The following CNIH3 variants were observed in gnomAD, a reference collection of about 807,000 sequenced individuals.
The protein encoded by CNIH3 is cornichon family AMPA receptor auxiliary protein 3.
Under a neutral mutation model 24.1 loss-of-function variants are expected in CNIH3, and 14 were observed. That is an observed-to-expected ratio of 0.58 (90% CI 0.38 to 0.91). The LOEUF is 0.91. Among genes scored for constraint, CNIH3 ranks in the 40% least tolerant of loss-of-function variants. The pLI, the probability that CNIH3 is intolerant of heterozygous loss-of-function variation, is 0.00. For missense variants in CNIH3, 178 were observed against 196.8 expected (o/e 0.90, Z 0.57); for synonymous variants, 68 against 73.8 (o/e 0.92, Z 0.40).
chr1:224,695,828 CAGCCTGACCT>C (rs1687150688), intron 3 of CNIH3, among the ~76,000 whole-genome samples: 1 of 152,222 alleles, frequency 6.6e-6, no homozygotes, highest in African/African-American at 2.4e-5. Context: ...CAGATTGTCA[CAGCCTGACCT>C]TCTCAGCAAT....
At position 224,680,451 on chromosome 1, in the gene CNIH3, G is replaced by A. The variant is rs1430676474; in HGVS notation, c.82-507G>A. Among the ~76,000 whole-genome samples the A allele has an allele frequency of 2.6e-5, 4 of 152,314 alleles. No individual in the cohort carries two copies. In the South Asian group the frequency reaches 6.2e-4, roughly 24 times the overall value. ...AGTGCTGACTGCCCAGGAGCTGACC[G>A]TCCAGGCTTGTGGACATCTAGACAT... On this transcript the variant is annotated intron_variant, in intron 1 of 5. Transcript: ENST00000272133.
At chr1:224,701,539 C>T (rs1687491007) in intron 3 of CNIH3, among the ~76,000 whole-genome samples, 1 of 152,172 alleles carries the variant, frequency 6.6e-6, no homozygotes, top group Non-Finnish European at 1.5e-5. Flanking sequence ...CTCCCAGAGA[C>T]CCCACTTCCT....
chr1:224,502,411 G>T lies in CNIH3; in HGVS notation n.204-13330G>T, dbSNP rs113843166. Among the ~76,000 whole-genome samples, 299 of 152,314 alleles carry T rather than the reference G, an allele frequency of 2.0e-3. 1 individual carries two copies. Among genetic ancestry groups the T allele is most frequent in the African/African-American group, 7.0e-3 (292 of 41,562 alleles). On this transcript the variant is annotated intron_variant and non_coding_transcript_variant, in intron 1 of 5. Coordinates refer to the CNIH3 transcript ENST00000471578. ...GCCGAAAGCCCAGCTCTCCTGAAAGGCACAGCCATGGAGCAAGAGCCGAAA... is the reference window on the plus strand; with the variant it reads ...GCCGAAAGCCCAGCTCTCCTGAAAGTCACAGCCATGGAGCAAGAGCCGAAA...
At chr1:224,610,771 G>A (rs1221157938) in intron 3 of CNIH3, among the ~76,000 whole-genome samples, 1 of 152,154 alleles carries the variant, frequency 6.6e-6, no homozygotes, top group Non-Finnish European at 1.5e-5. Context: ...TTAAGAATAG[G>A]TCAGGAAAAC....
upstream of CNIH3, among the ~76,000 whole-genome samples, chr1:224,614,972 T>TAAATAAAC (rs1297328585): frequency 7.8e-6 from 1 of 128,478 alleles, no homozygotes; most frequent in Non-Finnish European, 1.7e-5. Flanking sequence ...AATAAATAAA[T>TAAATAAAC]AAATAAGTAA....
Position 224,455,153 on chromosome 1 carries a change from C to T in CNIH3, n.203+20291C>T, listed in dbSNP as rs538376556. 5.3e-5 allele frequency among the ~76,000 whole-genome samples: 8 copies of T among 152,036 alleles called. No individual in the cohort carries two copies. The South Asian group carries it at 8.3e-4, about 16-fold the overall frequency. ...CACAAAGCCTATTATATAATAATGTCGAATATTATGTAATTGAATACTGTA... is the reference window on the plus strand; with the variant it reads ...CACAAAGCCTATTATATAATAATGTTGAATATTATGTAATTGAATACTGTA... On this transcript the variant is annotated intron_variant and non_coding_transcript_variant, in intron 1 of 5. Transcript: ENST00000471578.
intron 3 of CNIH3, among the ~76,000 whole-genome samples, chr1:224,562,855 G>C (rs1262955507): frequency 6.6e-6 from 1 of 152,210 alleles, no homozygotes; most frequent in East Asian, 1.9e-4. Flanking sequence ...GTTCCTAACA[G>C]GCCACAGACT....
intron 3 of CNIH3, among the ~76,000 whole-genome samples, chr1:224,562,882 G>A (rs971195433): frequency 1.3e-5 from 2 of 152,206 alleles, no homozygotes; most frequent in Non-Finnish European, 2.9e-5. Context: ...AGGGGTTGGA[G>A]AGTCCTGATT....
chr1:224,462,954 G>A (rs1322348389), intron 1 of CNIH3, among the ~76,000 whole-genome samples: 1 of 134,758 alleles, frequency 7.4e-6, no homozygotes, highest in African/African-American at 2.8e-5. Context: ...AGGCTGGAGT[G>A]CAGTGGCACA....
intron 3 of CNIH3, among the ~76,000 whole-genome samples, chr1:224,562,686 CTA>C (rs1680421479): frequency 6.6e-6 from 1 of 152,064 alleles, no homozygotes; most frequent in African/African-American, 2.4e-5. Context: ...GCTCACTCTA[CTA>C]GTTCACATGA....
chr1:224,571,271 A>C (rs1057343767), intron 4 of CNIH3, among the ~76,000 whole-genome samples: 1 of 152,188 alleles, frequency 6.6e-6, no homozygotes, highest in African/African-American at 2.4e-5. Context: ...GAGTGGCCCT[A>C]ATGCAAGATT....
chr1:224,609,712 G>C lies in CNIH3; in HGVS notation n.402+43448G>C, dbSNP rs942570977. On this transcript the variant is annotated intron_variant and non_coding_transcript_variant, in intron 3 of 7. Coordinates refer to the CNIH3 transcript ENST00000478120. ...TCAGATTTTCCTGTGGGCAGAACAG[G>C]ATGAGTGATGGGGCAAGAGGAGGCT... Among the ~76,000 whole-genome samples, 3 of 152,216 alleles carry C rather than the reference G, an allele frequency of 2.0e-5. No homozygotes were observed. In the South Asian group the frequency reaches 6.2e-4, roughly 32 times the overall value.
chr1:224,586,149 A>G (rs976776415), intron 5 of CNIH3, among the ~76,000 whole-genome samples: 2 of 152,236 alleles, frequency 1.3e-5, no homozygotes, highest in African/African-American at 4.8e-5. Flanking sequence ...TTGAAAAGGG[A>G]CCTGGTAACA....
chr1:224,693,466 C>T (rs983130626), intron 3 of CNIH3, among the ~76,000 whole-genome samples: 3 of 152,186 alleles, frequency 2.0e-5, no homozygotes, highest in African/African-American at 4.8e-5. Context: ...ACCTTGGCTG[C>T]GCTTGGGCAG....
At chr1:224,735,128 C>T (rs1209950713) in intron 5 of CNIH3, among the ~76,000 whole-genome samples, 2 of 152,184 alleles carry the variant, frequency 1.3e-5, no homozygotes, top group Non-Finnish European at 2.9e-5. Flanking sequence ...TCTTGGGAAC[C>T]ATAACAGAGG....
chr1:224,588,855 G>C (rs1307650172), downstream of CNIH3, among the ~76,000 whole-genome samples: 1 of 151,574 alleles, frequency 6.6e-6, no homozygotes, highest in Non-Finnish European at 1.5e-5. Flanking sequence ...AGCTTCTCAG[G>C]CTTTGGAACC....
At position 224,509,348 on chromosome 1, in the gene CNIH3, G is replaced by C. The variant is rs114798966; in HGVS notation, n.204-6393G>C. ...ATAGAAAGACGAAAGGAAAGAAGAAGGGAAAGAAGAAAGGAAAGAAGAAAG... is the reference window on the plus strand; with the variant it reads ...ATAGAAAGACGAAAGGAAAGAAGAACGGAAAGAAGAAAGGAAAGAAGAAAG... On this transcript the variant is annotated intron_variant and non_coding_transcript_variant, in intron 1 of 5. Coordinates refer to the CNIH3 transcript ENST00000471578. Among the ~76,000 whole-genome samples the C allele has an allele frequency of 8.6e-3, 1,304 of 152,144 alleles. 17 individuals carry two copies. The highest frequency in any genetic ancestry group is 0.029 in the African/African-American group (1,219 of 41,524).
intron 1 of CNIH3, among the ~76,000 whole-genome samples, chr1:224,650,124 C>T (rs774247476): frequency 6.6e-6 from 1 of 152,094 alleles, no homozygotes; most frequent in Non-Finnish European, 1.5e-5. Context: ...TATACACAAC[C>T]TAAGTGTCCT....
At chr1:224,522,906 AG>A (rs1195566370) in intron 2 of CNIH3, among the ~76,000 whole-genome samples, 2 of 152,180 alleles carry the variant, frequency 1.3e-5, no homozygotes, top group East Asian at 3.9e-4. Flanking sequence ...TTCCACTCCT[AG>A]GTCTATGTGT....
Sources: gnomAD v4.1 joint callset for allele counts (sites outside exome capture counted in the v4.1 genomes callset) on GRCh38, gnomAD v4.1.1 for gene constraint, MANE v1.5 for transcripts, NCBI Gene and HGNC (gene_info 2026-07-23, HGNC 2026-07-21) for gene names.